MED12L: variants seen among roughly 807,000 people sequenced by gnomAD.
MED12L encodes the protein mediator complex subunit 12L.
Under a neutral mutation model 281.3 loss-of-function variants are expected in MED12L, and 60 were observed. The observed-to-expected ratio is 0.21, with a 90% confidence interval of 0.17 to 0.26. MED12L has a LOEUF of 0.26. Ranked by LOEUF, MED12L falls within the 10% of genes least tolerant of loss-of-function variation. MED12L has a pLI of 1.00. For missense variants in MED12L, 2,146 were observed against 2,680.9 expected, an observed-to-expected ratio of 0.80 and a Z score of 4.41; for synonymous variants, 974 against 987.2, an observed-to-expected ratio of 0.99 and a Z score of 0.25.
chr3:151,328,431 C>T (rs2149865134), intron 16 of MED12L: 1 of 1,613,088 alleles, frequency 6.2e-7, no homozygotes, highest in Non-Finnish European at 8.5e-7. Context: ...ATGTTATTTA[C>T]CATTTGATGC....
rs563831959 is a variant in MED12L at position 151,242,357 on chromosome 3, C to T, written c.2250+48691C>T. Among the ~76,000 whole-genome samples the T allele has an allele frequency of 3.1e-4, 47 of 152,366 alleles. 1 individual carries two copies. Among genetic ancestry groups the T allele is most frequent in the African/African-American group, 1.1e-3 (45 of 41,576 alleles). On this transcript the variant is annotated intron_variant, in intron 16 of 44. Transcript: ENST00000687756. ...AACAAAAAGACAGCAGTAACCTCTG[C>T]AGACTTAAATGTCCCTGTCTGACAG...
chr3:151,220,676 A>G (rs769312931), intron 16 of MED12L, among the ~76,000 whole-genome samples: 1 of 152,228 alleles, frequency 6.6e-6, no homozygotes, highest in Non-Finnish European at 1.5e-5. Context: ...GTCTGCTGCC[A>G]TGTGAGACAT....
intron 5 of MED12L, among the ~76,000 whole-genome samples, chr3:151,145,211 A>G (rs567161193): frequency 4.1e-4 from 62 of 152,260 alleles, no homozygotes; most frequent in African/African-American, 1.5e-3. Flanking sequence ...TAACTCTAGA[A>G]CCTGTGCCCT....
chr3:151,120,917 G>T (rs1165483837), intron 3 of MED12L, among the ~76,000 whole-genome samples: 7 of 152,038 alleles, frequency 4.6e-5, no homozygotes, highest in African/African-American at 1.7e-4. Flanking sequence ...TGTTTACAAG[G>T]GCTTGTTAGC....
At chr3:151,412,889 A>G (rs1006949957) in intron 41 of MED12L, among the ~76,000 whole-genome samples, 1 of 152,262 alleles carries the variant, frequency 6.6e-6, no homozygotes, top group Non-Finnish European at 1.5e-5. Flanking sequence ...CCTCGTTGTT[A>G]AAAACTATTA....
chr3:151,102,849 A>G (rs1415329639), intron 2 of MED12L, among the ~76,000 whole-genome samples: 1 of 152,122 alleles, frequency 6.6e-6, no homozygotes, highest in Non-Finnish European at 1.5e-5. Flanking sequence ...CTTCCTGCAG[A>G]TGTGTGCTGA....
At chr3:151,256,409 G>T (rs563577351) in intron 16 of MED12L, among the ~76,000 whole-genome samples, 8 of 152,290 alleles carry the variant, frequency 5.3e-5, no homozygotes, top group African/African-American at 1.9e-4. Context: ...GGAAGGGATG[G>T]AGACACATCC....
chr3:151,316,566 A>C (rs1353183198), intron 16 of MED12L: 1 of 152,210 alleles, frequency 6.6e-6, no homozygotes, highest in African/African-American at 2.4e-5. Flanking sequence ...TTTTAAGAAA[A>C]TGAAAAATTT....
intron 5 of MED12L, among the ~76,000 whole-genome samples, chr3:151,147,478 C>T (rs1042025245): frequency 2.0e-5 from 3 of 152,188 alleles, no homozygotes; most frequent in Non-Finnish European, 2.9e-5. Flanking sequence ...AGAACATTTT[C>T]GCTACCCCTG....
chr3:151,322,041 C>T (rs1180490955), intron 16 of MED12L, among the ~76,000 whole-genome samples: 1 of 152,202 alleles, frequency 6.6e-6, no homozygotes, highest in East Asian at 1.9e-4. Context: ...TGTGTGGTTG[C>T]ACCCAACTGT....
At chr3:151,400,246 T>G (rs1715506210) in intron 39 of MED12L, among the ~76,000 whole-genome samples, 1 of 152,276 alleles carries the variant, frequency 6.6e-6, no homozygotes, top group Non-Finnish European at 1.5e-5. Context: ...TGCTTTATCC[T>G]GATTTTTTCT....
chr3:151,319,474 T>TGTGC (rs1553777838), intron 16 of MED12L, among the ~76,000 whole-genome samples: 11 of 66,220 alleles, frequency 1.7e-4, no homozygotes, highest in African/African-American at 7.8e-4. Flanking sequence ...TGTGCGTGTG[T>TGTGC]GTGTGTGTGT....
chr3:151,167,588 G>T (rs1177283851), intron 11 of MED12L, among the ~76,000 whole-genome samples: 1 of 152,154 alleles, frequency 6.6e-6, no homozygotes, highest in Non-Finnish European at 1.5e-5. Context: ...TCAAAGATAT[G>T]GTTCAAGACT....
In MED12L at chr3:151,192,976, GCTTCTATATAA is replaced by G. The variant is rs542499738; in HGVS notation, c.2073+323_2073+333del. ...TGTTGATTTGCTATGTATATGTTCA[GCTTCTATATAA>G]TAGCTTTGGTGGCTTTGGGCCTATT... On this transcript the variant is annotated intron_variant, in intron 15 of 44. Coordinates refer to ENST00000687756, the MANE Select transcript of MED12L (RefSeq NM_001393769.1). 2.2e-3 allele frequency among the ~76,000 whole-genome samples: 332 copies of G among 152,104 alleles called. 7 individuals are homozygous for G. The South Asian group carries it at 0.057, about 26-fold the overall frequency.
intron 2 of MED12L, among the ~76,000 whole-genome samples, chr3:151,116,107 C>CATA (rs1187898316): frequency 1.3e-5 from 2 of 150,424 alleles, no homozygotes; most frequent in Non-Finnish European, 3.0e-5. Context: ...AAGGAATACC[C>CATA]ATATACTCTG....
At chr3:151,399,219 A>G (rs1715355577) in intron 39 of MED12L, among the ~76,000 whole-genome samples, 1 of 152,240 alleles carries the variant, frequency 6.6e-6, no homozygotes, top group South Asian at 2.1e-4. Context: ...AAGTATGTGT[A>G]AAACAGCCCT....
At chr3:151,209,445 A>G (rs1726828278) in intron 16 of MED12L, among the ~76,000 whole-genome samples, 1 of 152,206 alleles carries the variant, frequency 6.6e-6, no homozygotes, top group Non-Finnish European at 1.5e-5. Context: ...ACATTTTGTT[A>G]AAGTGGTTTT....
intron 11 of MED12L, among the ~76,000 whole-genome samples, chr3:151,167,894 T>G (rs1044988537): frequency 6.6e-6 from 1 of 152,138 alleles, no homozygotes; most frequent in Non-Finnish European, 1.5e-5. Context: ...TTCAGGGGGA[T>G]CTTGGATTGT....
chr3:151,267,989 G>A (rs1266896632), intron 16 of MED12L, among the ~76,000 whole-genome samples: 1 of 152,114 alleles, frequency 6.6e-6, no homozygotes, highest in Non-Finnish European at 1.5e-5. Context: ...CAGTAAAATG[G>A]ACAAGGGTAA....
Sources: allele counts gnomAD v4.1 joint callset (sites outside exome capture counted in the v4.1 genomes callset), GRCh38; gene constraint gnomAD v4.1.1; transcripts MANE v1.5; gene names NCBI Gene and HGNC (gene_info 2026-07-23, HGNC 2026-07-21).